The following RPSA2 variants were observed in gnomAD, a reference collection of about 807,000 sequenced individuals.
RPSA2 encodes small ribosomal subunit protein uS2B.
the RPSA2 span, among the ~76,000 whole-genome samples, chr19:23,759,398 C>G: frequency 3.3e-5 from 5 of 151,690 alleles, no homozygotes; most frequent in African/African-American, 7.3e-5. Flanking sequence ...GATTGTAGAT[C>G]CAGGGTAGGA....
the RPSA2 span, among the ~76,000 whole-genome samples, chr19:23,837,928 G>T: frequency 6.6e-6 from 1 of 152,008 alleles, no homozygotes; most frequent in African/African-American, 2.4e-5. Context: ...TTACTGATTT[G>T]GATGCCTTTA....
At chr19:23,865,594 T>C in the RPSA2 span, among the ~76,000 whole-genome samples, 2 of 152,026 alleles carry the variant, frequency 1.3e-5, no homozygotes, top group African/African-American at 2.4e-5. Flanking sequence ...ATATTGAAAA[T>C]AATGAGCAGG....
the RPSA2 span, among the ~76,000 whole-genome samples, chr19:23,800,059 C>T: frequency 9.4e-5 from 13 of 138,638 alleles, no homozygotes; most frequent in South Asian, 4.5e-4. Flanking sequence ...GACAGAGTCT[C>T]GCTGTATTTC....
At chr19:23,779,749 C>T in the RPSA2 span, among the ~76,000 whole-genome samples, 1 of 152,172 alleles carries the variant, frequency 6.6e-6, no homozygotes, top group East Asian at 1.9e-4. Context: ...ATATCTGTAT[C>T]CATTACATAA....
the RPSA2 span, among the ~76,000 whole-genome samples, chr19:23,867,309 C>G: frequency 6.6e-6 from 1 of 152,220 alleles, no homozygotes; most frequent in African/African-American, 2.4e-5. Flanking sequence ...TTTACCTTGT[C>G]TTGGTCCGGA....
the RPSA2 span, among the ~76,000 whole-genome samples, chr19:23,806,987 T>A: frequency 6.6e-5 from 10 of 152,120 alleles, no homozygotes; most frequent in Admixed American, 5.9e-4. Context: ...GTAGTGATGC[T>A]GTGTCCTTCT....
At chr19:23,867,141 G>T in the RPSA2 span, among the ~76,000 whole-genome samples, 5 of 152,238 alleles carry the variant, frequency 3.3e-5, no homozygotes, top group Admixed American at 6.5e-5. Flanking sequence ...CCACCTGTTT[G>T]GTACAAATTA....
At chr19:23,853,000 G>C in the RPSA2 span, among the ~76,000 whole-genome samples, 4 of 152,294 alleles carry the variant, frequency 2.6e-5, no homozygotes, top group African/African-American at 9.6e-5. Flanking sequence ...AGTGGGGTCA[G>C]CAATTAATAT....
At chr19:23,824,068 G>A in the RPSA2 span, among the ~76,000 whole-genome samples, 15 of 152,260 alleles carry the variant, frequency 9.9e-5, no homozygotes, top group Admixed American at 2.0e-4. Context: ...GCTGAGCCCT[G>A]GACAAGTACA....
chr19:23,834,790 T>C, the RPSA2 span, among the ~76,000 whole-genome samples: 1 of 152,074 alleles, frequency 6.6e-6, no homozygotes, highest in Non-Finnish European at 1.5e-5. Context: ...TAGGTAACAA[T>C]ACATTATTTG....
At chr19:23,806,050 T>TC in the RPSA2 span, among the ~76,000 whole-genome samples, 17 of 147,512 alleles carry the variant, frequency 1.2e-4, no homozygotes, top group South Asian at 4.4e-4. Flanking sequence ...TTTCTTTCTT[T>TC]TTTTTTTTTT....
the RPSA2 span, among the ~76,000 whole-genome samples, chr19:23,810,856 G>A: frequency 6.6e-6 from 1 of 152,060 alleles, no homozygotes; most frequent in Non-Finnish European, 1.5e-5. Flanking sequence ...CAAGTTAGGT[G>A]GAACGTTTTC....
At chr19:23,808,659 A>G in the RPSA2 span, 2 of 491,576 alleles carry the variant, frequency 4.1e-6, no homozygotes, top group Non-Finnish European at 8.0e-6. Flanking sequence ...TGAACACATT[A>G]CTAAGTTGGT....
At chr19:23,853,426 C>A in the RPSA2 span, among the ~76,000 whole-genome samples, 55,231 of 152,058 alleles carry the variant, frequency 0.36, 10,585 homozygotes, top group East Asian at 0.52. Flanking sequence ...CAAGTTGTAA[C>A]TATTCAGAAA....
the RPSA2 span, among the ~76,000 whole-genome samples, chr19:23,761,905 T>TTCCTTCCTCCC: frequency 7.9e-5 from 3 of 38,210 alleles, no homozygotes; most frequent in Admixed American, 6.5e-4. Context: ...AACGTAATTC[T>TTCCTTCCTCCC]TTCTTTCTTT....
At chr19:23,809,009 C>T in the RPSA2 span, 1 of 195,740 alleles carries the variant, frequency 5.1e-6, no homozygotes, top group Admixed American at 5.6e-5. Context: ...ATTCTAATTT[C>T]CCTTCAGTGT....
the RPSA2 span, among the ~76,000 whole-genome samples, chr19:23,776,907 C>G: frequency 4.6e-5 from 7 of 152,144 alleles, no homozygotes; most frequent in Non-Finnish European, 1.0e-4. Flanking sequence ...CCTCTCCTAC[C>G]CTGTGTTTGC....
At chr19:23,809,615 T>C in the RPSA2 span, 1 of 152,156 alleles carries the variant, frequency 6.6e-6, no homozygotes, top group African/African-American at 2.4e-5. Flanking sequence ...TCATTGCTAT[T>C]GTAAATAAGA....
chr19:23,839,192 C>A, the RPSA2 span, among the ~76,000 whole-genome samples: 1 of 152,118 alleles, frequency 6.6e-6, no homozygotes, highest in Admixed American at 6.6e-5. Flanking sequence ...TTGTTTTTAA[C>A]GCAATGCTCA....
Sources: gnomAD v4.1 joint callset for allele counts (sites outside exome capture counted in the v4.1 genomes callset) on GRCh38, gnomAD v4.1.1 for gene constraint, MANE v1.5 for transcripts, NCBI Gene and HGNC (gene_info 2026-07-23, HGNC 2026-07-21) for gene names.